Variants in ATP1A1 observed in about 807,000 individuals in gnomAD.
The protein encoded by ATP1A1 is ATPase Na+/K+ transporting subunit alpha 1.
In ATP1A1, 14 loss-of-function variants were observed where a neutral mutation model predicts 114.8. That is an observed-to-expected ratio of 0.12 (90% CI 0.08 to 0.19). ATP1A1 has a LOEUF of 0.19. Ranked by LOEUF, ATP1A1 falls within the 10% of genes least tolerant of loss-of-function variation. The pLI is 1.00. For missense variants in ATP1A1, 524 were observed against 1,290.7 expected (o/e 0.41, Z 9.10); for synonymous variants, 471 against 466.3 (o/e 1.01, Z -0.13).
Position 116,399,075 on chromosome 1 carries a change from C to T in ATP1A1, c.2439C>T (p.Gly813=), listed in dbSNP as rs111483355. 2.1e-4 allele frequency: 333 copies of T among 1,614,150 alleles called. 2 individuals are homozygous for T. In the African/African-American group the frequency reaches 3.1e-3, roughly 15 times the overall value. The change falls in exon 17 of 23, where the codon GGC becomes GGT. Residue 813 remains glycine, a synonymous_variant. Transcript: ENST00000295598. The surrounding 1 kb of genome is among the most constrained non-coding windows in gnomAD (Gnocchi z 5.0). ...TCACCATCCTCTGCATTGACTTGGG[C>T]ACTGACATGGTGAGTGTCACAACAG... ...GTVTILCIDL[G]TDMVPAISLA...
intron 12 of ATP1A1, 113 bp from the exon 13 acceptor site, chr1:116,394,997 A>C (rs1652790662): frequency 9.1e-7 from 1 of 1,100,456 alleles, no homozygotes; most frequent in Non-Finnish European, 1.3e-6. Flanking sequence ...AGACTTTAAA[A>C]ATTTTCCAAA....
Position 116,389,474 on chromosome 1 carries a change from C to T in ATP1A1, c.790C>T (p.Arg264Cys), listed in dbSNP as rs1328025079. The T allele has an allele frequency of 1.9e-6, 3 of 1,614,060 alleles. No individual in the cohort carries two copies. The highest frequency in any genetic ancestry group is 1.7e-6 in the Non-Finnish European group (2 of 1,180,046). ...ARGIVVYTGD[R>C]TVMGRIATLA... ...TGGTATTGTTGTCTACACTGGGGAT[C>T]GCACTGTGATGGGAAGAATTGCCAC... The change falls in exon 8 of 23, where the codon CGC (arginine) becomes TGC (cysteine). Residue 264 changes from arginine (R) to cysteine (C), a missense_variant. Around this residue, in one of 8 missense-constraint regions of ATP1A1, gnomAD observed 141 missense variants for 316.6 expected, o/e 0.45. Transcript: ENST00000295598. The surrounding 1 kb of genome is among the most constrained non-coding windows in gnomAD (Gnocchi z 6.9).
intron 13 of ATP1A1, 140 bp from the exon 14 acceptor site, chr1:116,396,458 A>G (rs1447900098): frequency 2.0e-5 from 22 of 1,090,008 alleles, no homozygotes; most frequent in Non-Finnish European, 2.6e-5. Flanking sequence ...ATCGATGTTT[A>G]TTAGTTTTAT....
rs772386706 is a variant in ATP1A1, at chr1:116,384,010, A to G, written c.13-4A>G. The G allele has an allele frequency of 6.2e-6, 10 of 1,612,140 alleles. No homozygotes were observed. Among genetic ancestry groups the G allele is most frequent in the East Asian group, 2.2e-5 (1 of 44,866 alleles). On this transcript the variant is annotated splice_region_variant and splice_polypyrimidine_tract_variant and intron_variant, in intron 1 of 22. Coordinates refer to ENST00000295598, the MANE Select transcript of ATP1A1 (RefSeq NM_000701.8). This position sits in a 1 kb window ranked among gnomAD's most constrained non-coding sequence, Gnocchi z 5.1. Reference sequence around the variant, plus strand: ...GGCCTCACTTTTCCCACATTCTCCTACAGGTTGGACGTGATAAGTATGAGC... The same window carrying G: ...GGCCTCACTTTTCCCACATTCTCCTGCAGGTTGGACGTGATAAGTATGAGC...
Position 116,388,254 on chromosome 1 carries a change from G to A in ATP1A1, c.501+10G>A, listed in dbSNP as rs777723511. 11 of 1,587,270 alleles carry A rather than the reference G, an allele frequency of 6.9e-6. No homozygotes were observed. The highest frequency in any genetic ancestry group is 2.2e-5 in the East Asian group (1 of 44,738). On this transcript the variant is annotated intron_variant, in intron 5 of 22. Transcript: ENST00000295598. The surrounding 1 kb of genome is among the most constrained non-coding windows in gnomAD (Gnocchi z 5.6). Reference sequence around the variant, plus strand: ...AAACATGGTCCCTCAGGTACCAGACGCTTTGTCCTTCCCCAGTGGATGACT... The same window carrying A: ...AAACATGGTCCCTCAGGTACCAGACACTTTGTCCTTCCCCAGTGGATGACT...
chr1:116,395,292 C>T lies in ATP1A1; in HGVS notation c.1836+7C>T. On this transcript the variant is annotated splice_region_variant and intron_variant, in intron 13 of 22. Transcript: ENST00000295598. This position sits in a 1 kb window ranked among gnomAD's most constrained non-coding sequence, Gnocchi z 6.4. ...TCGAAGTGCTGGAATTAAGGTAGTGCCCAGGCGCCTCCTTGGCTTCATCTC... is the reference window on the plus strand; with the variant it reads ...TCGAAGTGCTGGAATTAAGGTAGTGTCCAGGCGCCTCCTTGGCTTCATCTC... The T allele has an allele frequency of 6.2e-7, 1 of 1,613,310 alleles. No individual in the cohort carries two copies.
At position 116,398,835 on chromosome 1, in the gene ATP1A1, C is replaced by G. The variant is rs773441722; in HGVS notation, c.2293+46C>G. On this transcript the variant is annotated intron_variant, in intron 16 of 22. Coordinates refer to ENST00000295598, the MANE Select transcript of ATP1A1 (RefSeq NM_000701.8). The surrounding 1 kb of genome is among the most constrained non-coding windows in gnomAD (Gnocchi z 6.1). ...ACACCAAGATCTTATTCAGATACTG[C>G]CCATTAGCATCCATTTCTGTATACT... 1 of 1,609,440 alleles carries G rather than the reference C, an allele frequency of 6.2e-7. No individual in the cohort carries two copies. The highest frequency in any genetic ancestry group is 8.5e-7 in the Non-Finnish European group (1 of 1,176,354).
intron 10 of ATP1A1, among the ~76,000 whole-genome samples, chr1:116,391,366 C>CT (rs1301746695): frequency 6.6e-6 from 1 of 152,174 alleles, no homozygotes; most frequent in Non-Finnish European, 1.5e-5. Context: ...CTTATTGGTT[C>CT]TTAGCTTGTT....
In ATP1A1 at chr1:116,401,015, G is replaced by A. The variant is rs1653429248; in HGVS notation, c.2718+9G>A. 1 of 1,614,162 alleles carries A rather than the reference G, an allele frequency of 6.2e-7. No individual in the cohort carries two copies. The highest frequency in any genetic ancestry group is 8.5e-7 in the Non-Finnish European group (1 of 1,180,000). ...GCTACGGGCAGCAGTGGGTGAGTGG[G>A]CACCTCTGACCTGACCAGTGTCAGA... On this transcript the variant is annotated intron_variant, in intron 19 of 22. Transcript: ENST00000295598. The surrounding 1 kb of genome is among the most constrained non-coding windows in gnomAD (Gnocchi z 4.7).
intron 1 of ATP1A1, among the ~76,000 whole-genome samples, chr1:116,375,357 G>C (rs2101027927): frequency 6.6e-6 from 1 of 152,302 alleles, no homozygotes; most frequent in East Asian, 1.9e-4. Context: ...GGATGAAACG[G>C]GGTATTTGTG....
Position 116,387,353 on chromosome 1 carries a change from T to A in ATP1A1, c.249T>A (p.Pro83=). 6.2e-7 allele frequency: 1 copy of A among 1,614,142 alleles called. No homozygotes were observed. Among genetic ancestry groups the A allele is most frequent in the South Asian group, 1.1e-5 (1 of 91,086 alleles). The change falls in exon 4 of 23, where the codon CCT becomes CCA. Residue 83 remains proline (P), a synonymous_variant. Coordinates refer to ENST00000295598, the MANE Select transcript of ATP1A1 (RefSeq NM_000701.8). This position sits in a 1 kb window ranked among gnomAD's most constrained non-coding sequence, Gnocchi z 6.7. ...ATGGTCCCAACGCCCTCACTCCCCCTCCCACTACTCCTGAATGGATCAAGT... is the reference window on the plus strand; with the variant it reads ...ATGGTCCCAACGCCCTCACTCCCCCACCCACTACTCCTGAATGGATCAAGT... The part of the protein sequence containing the change: ...ARDGPNALTP[P]PTTPEWIKFC...
Position 116,399,272 on chromosome 1 carries a change from C to A in ATP1A1, c.2449-148C>A. 1 of 1,368,918 alleles carries A rather than the reference C, an allele frequency of 7.3e-7. No homozygotes were observed. The highest frequency in any genetic ancestry group is 1.0e-6 in the Non-Finnish European group (1 of 1,001,638). The allele number at this position is 1,368,918 out of a possible 1,614,324, so 84.8% of individuals were successfully genotyped here. A position where few individuals can be genotyped will look rare whatever the true frequency, so the allele number is the denominator to read the frequency against. ...TACCACTCTTCAAGGCAGCAGTTAA[C>A]ATTTGTTTATCAGATGGGAATCTTT... is the stretch of plus-strand genomic sequence containing the variant. On this transcript the variant is annotated intron_variant, in intron 17 of 22. Transcript: ENST00000295598. This position sits in a 1 kb window ranked among gnomAD's most constrained non-coding sequence, Gnocchi z 5.0.
chr1:116,375,083 T>C (rs1050902027), intron 1 of ATP1A1, among the ~76,000 whole-genome samples: 3 of 152,350 alleles, frequency 2.0e-5, no homozygotes, highest in African/African-American at 7.2e-5. Flanking sequence ...TGATCATTTC[T>C]GTAAACATGC....
Position 116,384,561 on chromosome 1 carries a change from G to C in ATP1A1, c.124-222G>C, listed in dbSNP as rs561602972. Among the ~76,000 whole-genome samples, 1 of 152,268 alleles carries C rather than the reference G, an allele frequency of 6.6e-6. No homozygotes were observed. Among genetic ancestry groups the C allele is most frequent in the South Asian group, 2.1e-4 (1 of 4,826 alleles). On this transcript the variant is annotated intron_variant, in intron 2 of 22. Transcript: ENST00000295598. The surrounding 1 kb of genome is among the most constrained non-coding windows in gnomAD (Gnocchi z 5.1). ...GTTATGGCAAATAGTAATGGGCCAC[G>C]GTCACTCAGCTTTAGCCATTCTCCA...
In ATP1A1 at chr1:116,395,189, C is replaced by T. The variant is rs923904971; in HGVS notation, c.1740C>T (p.Ile580=). The T allele has an allele frequency of 3.7e-6, 6 of 1,614,104 alleles. No homozygotes were observed. Among genetic ancestry groups the T allele is most frequent in the East Asian group, 2.2e-5 (1 of 44,880 alleles). The change falls in exon 13 of 23, where the codon ATC becomes ATT. Residue 580 remains isoleucine (I), a synonymous_variant. Transcript: ENST00000295598. This position sits in a 1 kb window ranked among gnomAD's most constrained non-coding sequence, Gnocchi z 6.4. ...ACACTGACGATGTGAATTTCCCTATCGATAATCTGTGCTTTGTTGGGCTCA... is the reference window on the plus strand; with the variant it reads ...ACACTGACGATGTGAATTTCCCTATTGATAATCTGTGCTTTGTTGGGCTCA... ...QFDTDDVNFP[I]DNLCFVGLIS... is the part of the protein sequence containing the mutation.
intron 1 of ATP1A1, chr1:116,374,062 G>A: frequency 2.1e-6 from 3 of 1,404,562 alleles, no homozygotes; most frequent in Non-Finnish European, 2.8e-6. Flanking sequence ...CCCCGGTTCC[G>A]GCGGGGGCAG....
rs752219917 is a variant in ATP1A1, at chr1:116,400,846, G to A, written c.2573-15G>A. On this transcript the variant is annotated splice_polypyrimidine_tract_variant and intron_variant, in intron 18 of 22. Transcript: ENST00000295598. ...TGTGTGAGGTTCTAGTAATTGGGTTGTTTTCCCAACTTAGGAATGATCCAG... is the reference window on the plus strand; with the variant it reads ...TGTGTGAGGTTCTAGTAATTGGGTTATTTTCCCAACTTAGGAATGATCCAG... The A allele has an allele frequency of 1.9e-6, 3 of 1,613,944 alleles. No homozygotes were observed. Among genetic ancestry groups the A allele is most frequent in the South Asian group, 1.1e-5 (1 of 91,068 alleles).
intron 21 of ATP1A1, among the ~76,000 whole-genome samples, chr1:116,403,057 A>G (rs919654011): frequency 5.3e-5 from 8 of 152,196 alleles, no homozygotes; most frequent in Non-Finnish European, 8.8e-5. Flanking sequence ...AAAAGGGGGC[A>G]TTTCCATCTT....
In ATP1A1 at chr1:116,389,931, C is replaced by T; in HGVS notation, c.1023+224C>T. ...AGCATACATTTTGCTTTTAAATTATCACGTGGTCCTGAACAGTGCAGTGGA... is the reference window on the plus strand; with the variant it reads ...AGCATACATTTTGCTTTTAAATTATTACGTGGTCCTGAACAGTGCAGTGGA... On this transcript the variant is annotated intron_variant, in intron 8 of 22. Transcript: ENST00000295598. The surrounding 1 kb of genome is among the most constrained non-coding windows in gnomAD (Gnocchi z 6.9). 1.3e-6 allele frequency: 1 copy of T among 768,476 alleles called. No individual in the cohort carries two copies. Among genetic ancestry groups the T allele is most frequent in the Non-Finnish European group, 2.0e-6 (1 of 490,848 alleles). 47.6% of individuals were successfully genotyped at this position (768,476 alleles called of 1,614,324 possible).
Sources: gnomAD v4.1 joint callset for allele counts (sites outside exome capture counted in the v4.1 genomes callset) on GRCh38, gnomAD v4.1.1 for gene constraint, gnomAD v4.1.1 regional missense constraint, Gnocchi (gnomAD v3.1) non-coding constraint, MANE v1.5 for transcripts, NCBI Gene and HGNC (gene_info 2026-07-23, HGNC 2026-07-21) for gene names.